SULF1: variants seen among roughly 807,000 people sequenced by gnomAD.
SULF1 encodes sulfatase 1.
In SULF1, 46 loss-of-function variants were observed where a neutral mutation model predicts 110.5. That is an observed-to-expected ratio of 0.42 (90% confidence interval 0.33 to 0.53). The LOEUF is 0.53. Ranked by LOEUF, SULF1 falls within the 20% of genes least tolerant of loss-of-function variation. The pLI, the probability that SULF1 is intolerant of heterozygous loss-of-function variation, is 0.12. For synonymous variants in SULF1, 371 were observed against 387.1 expected (o/e 0.96, Z 0.49); for missense variants, 941 against 1,094.2 (o/e 0.86, Z 1.98).
At chr8:69,608,073 T>C (rs565856567) in intron 13 of SULF1, among the ~76,000 whole-genome samples, 1 of 152,250 alleles carries the variant, frequency 6.6e-6, no homozygotes, top group South Asian at 2.1e-4. Context: ...TAAAGGTTGT[T>C]TGGTGGAGTC....
intron 3 of SULF1, among the ~76,000 whole-genome samples, chr8:69,545,580 G>A (rs1465412362): frequency 6.6e-6 from 1 of 152,118 alleles, no homozygotes; most frequent in African/African-American, 2.4e-5. Context: ...GGTCCAAGAT[G>A]GCTGCAGAAA....
At chr8:69,492,571 T>C (rs918005321), upstream of SULF1, among the ~76,000 whole-genome samples, 1 of 152,188 alleles carries the variant, frequency 6.6e-6, no homozygotes, top group Non-Finnish European at 1.5e-5. Context: ...CGGAACCACA[T>C]GCCTGGAAAC....
At chr8:69,560,091 T>C (rs1439660903) in intron 3 of SULF1, among the ~76,000 whole-genome samples, 2 of 152,094 alleles carry the variant, frequency 1.3e-5, no homozygotes, top group African/African-American at 4.8e-5. Flanking sequence ...GGTCACAGGG[T>C]CCTCCAAACG....
chr8:69,576,214 G>C lies in SULF1; in HGVS notation c.412+5G>C. ...ACAACACTGGCTACAGAACAGGTAA[G>C]GGATGACGTTTCTAGCCCATGAACG... On this transcript the variant is annotated splice_donor_5th_base_variant and intron_variant, in intron 6 of 22. Transcript: ENST00000402687. The C allele has an allele frequency of 6.2e-7, 1 of 1,612,788 alleles. No homozygotes were observed. The highest frequency in any genetic ancestry group is 8.5e-7 in the Non-Finnish European group (1 of 1,179,032).
At chr8:69,508,234 T>C (rs1209204046) in intron 3 of SULF1, among the ~76,000 whole-genome samples, 1 of 152,124 alleles carries the variant, frequency 6.6e-6, no homozygotes, top group African/African-American at 2.4e-5. Flanking sequence ...GCCTCCCGAA[T>C]AGCTGGGATT....
chr8:69,494,442 T>G (rs1462688235), intron 1 of SULF1, among the ~76,000 whole-genome samples: 1 of 152,200 alleles, frequency 6.6e-6, no homozygotes, highest in Non-Finnish European at 1.5e-5. Context: ...ATTATAAAAT[T>G]ATGTCTTTTT....
intron 7 of SULF1, 108 bp downstream of exon 7, chr8:69,586,616 CAAT>C (rs1806483756): frequency 3.4e-6 from 4 of 1,184,486 alleles, no homozygotes; most frequent in Non-Finnish European, 4.7e-6. Context: ...TATGTTCTCA[CAAT>C]GTTAGCATGA....
At chr8:69,516,367 G>A (rs1318353128) in intron 3 of SULF1, among the ~76,000 whole-genome samples, 1 of 134,922 alleles carries the variant, frequency 7.4e-6, no homozygotes, top group African/African-American at 2.9e-5. Context: ...GGAGAGTAAA[G>A]GGAGAAGTGC....
Position 69,575,995 on chromosome 8 carries a change from G to A in SULF1, c.198G>A (p.Thr66=), listed in dbSNP as rs762727620. 1.2e-5 allele frequency: 19 copies of A among 1,613,844 alleles called. No individual in the cohort carries two copies. The highest frequency in any genetic ancestry group is 6.6e-5 in the South Asian group (6 of 91,048). The change falls in exon 6 of 23, where the codon ACG becomes ACA. Residue 66 remains threonine, a synonymous_variant. Transcript: ENST00000402687. ...ELGSLQVMNK[T]RKIMEHGGAT... ...GGTCCCTGCAAGTCATGAACAAAAC[G>A]AGAAAGATTATGGAACATGGGGGGG...
chr8:69,591,982 A>G (rs936017903), intron 8 of SULF1, among the ~76,000 whole-genome samples: 1 of 152,178 alleles, frequency 6.6e-6, no homozygotes, highest in Admixed American at 6.5e-5. Flanking sequence ...AAGTGTCCCA[A>G]TGGCAATATC....
intron 1 of SULF1, among the ~76,000 whole-genome samples, chr8:69,481,725 T>C (rs1586198279): frequency 6.6e-6 from 1 of 152,302 alleles, no homozygotes; most frequent in South Asian, 2.1e-4. Context: ...TATTTGGTTT[T>C]CTCTTCCTGA....
intron 22 of SULF1, among the ~76,000 whole-genome samples, chr8:69,644,918 A>T (rs1183760799): frequency 6.6e-6 from 1 of 151,926 alleles, no homozygotes; most frequent in African/African-American, 2.4e-5. Flanking sequence ...CATCTCAGGG[A>T]CTCCACCTTA....
intron 3 of SULF1, among the ~76,000 whole-genome samples, chr8:69,550,113 T>C (rs1393902606): frequency 6.6e-6 from 1 of 151,416 alleles, no homozygotes; most frequent in East Asian, 1.9e-4. Flanking sequence ...TGAAATTCTC[T>C]AGGCATACAA....
rs181186600 is a variant in SULF1, at chr8:69,500,126, A to G, written c.-228-1748A>G. Among the ~76,000 whole-genome samples the G allele has an allele frequency of 7.2e-5, 11 of 152,358 alleles. No homozygotes were observed. The East Asian group carries it at 2.1e-3, about 29-fold the overall frequency. On this transcript the variant is annotated intron_variant, in intron 2 of 22. Transcript: ENST00000402687. ...TTTAAGAAAATTCTGGTCTCATTTC[A>G]TGAAAATGTCTTTTGATTGCAAATA...
chr8:69,603,262 C>G lies in SULF1; in HGVS notation c.1132C>G (p.Pro378Ala), dbSNP rs371818580. The G allele has an allele frequency of 6.2e-7, 1 of 1,614,156 alleles. No individual in the cohort carries two copies. The highest frequency in any genetic ancestry group is 1.1e-5 in the South Asian group (1 of 91,082). The change falls in exon 11 of 23, where the codon CCT becomes GCT. Residue 378 changes from proline (P) to alanine (A), a missense_variant. Physicochemically the swap from Pro to Ala is conservative, Grantham distance 27. Coordinates refer to ENST00000402687, the MANE Select transcript of SULF1 (RefSeq NM_001128205.2). ...GGATATTGCTGGGCTCGACACACCT[C>G]CTGATGTGGACGGCAAGTCTGTCCT... ...ILDIAGLDTP[P>A]DVDGKSVLKL...
At chr8:69,551,251 A>G (rs527828395) in intron 3 of SULF1, among the ~76,000 whole-genome samples, 7 of 152,296 alleles carry the variant, frequency 4.6e-5, no homozygotes, top group South Asian at 4.1e-4. Context: ...GGAGTGTTGA[A>G]CCTATCTTTA....
chr8:69,579,928 T>G (rs1805948076), intron 6 of SULF1, among the ~76,000 whole-genome samples: 1 of 152,190 alleles, frequency 6.6e-6, no homozygotes, highest in African/African-American at 2.4e-5. Context: ...TGACGGAAAC[T>G]GAAATATGTA....
At chr8:69,557,410 G>C (rs973422157) in intron 3 of SULF1, among the ~76,000 whole-genome samples, 32 of 152,076 alleles carry the variant, frequency 2.1e-4, no homozygotes, top group Admixed American at 1.7e-3. Flanking sequence ...TTTTAATTTG[G>C]ACTTTATGCA....
chr8:69,570,367 T>C (rs1386501820), intron 5 of SULF1, among the ~76,000 whole-genome samples: 1 of 152,230 alleles, frequency 6.6e-6, no homozygotes, highest in Non-Finnish European at 1.5e-5. Flanking sequence ...AAATTTTTAA[T>C]GTTTAGTAAT....
Sources: gnomAD v4.1 joint callset for allele counts (sites outside exome capture counted in the v4.1 genomes callset) on GRCh38, gnomAD v4.1.1 for gene constraint, MANE v1.5 for transcripts, NCBI Gene and HGNC (gene_info 2026-07-23, HGNC 2026-07-21) for gene names.